PDE4B: variants seen among roughly 807,000 people sequenced by gnomAD.
The protein encoded by PDE4B is 3',5'-cyclic-AMP phosphodiesterase 4B.
PDE4B carries 20 observed loss-of-function variants against 82.2 expected under a neutral mutation model. The observed-to-expected ratio is 0.24, with a 90% CI of 0.17 to 0.35. The LOEUF is 0.35. Ranked by LOEUF, PDE4B falls within the 10% of genes least tolerant of loss-of-function variation. The pLI, the probability that PDE4B is intolerant of heterozygous loss-of-function variation, is 1.00. For synonymous variants in PDE4B, 320 were observed against 318.9 expected, an observed-to-expected ratio of 1.00 and a Z score of -0.04; for missense variants, 655 against 907.2, an observed-to-expected ratio of 0.72 and a Z score of 3.57.
intron 3 of PDE4B, among the ~76,000 whole-genome samples, chr1:66,227,010 G>A (rs747582264): frequency 1.1e-4 from 17 of 152,214 alleles, no homozygotes; most frequent in South Asian, 2.1e-4. Flanking sequence ...AATGCATCTC[G>A]TGAAGGAAAG....
intron 1 of PDE4B, among the ~76,000 whole-genome samples, chr1:65,845,511 A>C (rs912134672): frequency 6.6e-5 from 10 of 152,180 alleles, no homozygotes; most frequent in Admixed American, 6.6e-4. Flanking sequence ...TGTAGGGGTG[A>C]GATATGGTCT....
intron 3 of PDE4B, among the ~76,000 whole-genome samples, chr1:66,135,030 G>A (rs546152090): frequency 7.9e-5 from 12 of 152,302 alleles, no homozygotes; most frequent in African/African-American, 2.9e-4. Context: ...AGTCTTATAG[G>A]ATGAAGAATT....
In PDE4B at chr1:65,981,605, T is replaced by C. The variant is rs80109489; in HGVS notation, c.281+62770T>C. ...AAAGCCTAAGTTTTGAAGTCAGATGTTTTTGGGTTCCAATACTTACCAACT... is the reference window on the plus strand; with the variant it reads ...AAAGCCTAAGTTTTGAAGTCAGATGCTTTTGGGTTCCAATACTTACCAACT... On this transcript the variant is annotated intron_variant, in intron 3 of 16. Transcript: ENST00000341517. Among the ~76,000 whole-genome samples the C allele has an allele frequency of 8.9e-3, 1,348 of 152,168 alleles. 32 individuals are homozygous for C. Among genetic ancestry groups the C allele is most frequent in the East Asian group, 0.065 (334 of 5,174 alleles).
chr1:66,178,943 C>T (rs773491793), intron 3 of PDE4B, among the ~76,000 whole-genome samples: 68 of 152,178 alleles, frequency 4.5e-4, no homozygotes, highest in South Asian at 4.2e-4. Flanking sequence ...CCTCCACCTC[C>T]GGGTTCAAGC....
rs762690777 is a variant in PDE4B at position 65,918,662 on chromosome 1, G to A, written c.108G>A (p.Gly36=). 6.2e-7 allele frequency: 1 copy of A among 1,613,776 alleles called. No individual in the cohort carries two copies. Among genetic ancestry groups the A allele is most frequent in the Non-Finnish European group, 8.5e-7 (1 of 1,179,716 alleles). ...KSYSSSSNTL[G]IDLWRGRRCC... is the part of the protein sequence containing the mutation. ...ACAGTTCTTCCAGTAACACACTTGG[G>A]ATCGACCTCTGGAGAGGGAGAAGGT... is the stretch of plus-strand genomic sequence containing the variant. Residue 36 remains glycine, a synonymous_variant, in exon 3 of 17, where the codon GGG becomes GGA. Transcript: ENST00000341517.
chr1:65,936,065 TTTG>T (rs977674463), intron 3 of PDE4B, among the ~76,000 whole-genome samples: 3 of 152,192 alleles, frequency 2.0e-5, no homozygotes, highest in Admixed American at 2.0e-4. Context: ...TTTAAAGTTT[TTTG>T]TTAAAAACGA....
intron 3 of PDE4B, among the ~76,000 whole-genome samples, chr1:66,094,077 A>G (rs1645073087): frequency 1.3e-5 from 2 of 152,230 alleles, no homozygotes; most frequent in South Asian, 2.1e-4. Context: ...GCAAGAAATA[A>G]TATGAAGAGA....
At chr1:66,102,755 A>G (rs1049367281) in intron 3 of PDE4B, among the ~76,000 whole-genome samples, 2 of 152,044 alleles carry the variant, frequency 1.3e-5, no homozygotes, top group Non-Finnish European at 2.9e-5. Flanking sequence ...AAAGACTGAG[A>G]CTCACTTTCT....
At chr1:66,233,819 T>C (rs1048843383) in intron 3 of PDE4B, among the ~76,000 whole-genome samples, 4 of 152,198 alleles carry the variant, frequency 2.6e-5, no homozygotes, top group African/African-American at 9.7e-5. Flanking sequence ...GAGAACTACA[T>C]TGATTTTTTT....
At chr1:66,308,152 C>A (rs1658416171) in intron 7 of PDE4B, among the ~76,000 whole-genome samples, 1 of 151,980 alleles carries the variant, frequency 6.6e-6, no homozygotes, top group African/African-American at 2.4e-5. Flanking sequence ...CCTCCAGTAG[C>A]CAGGAAGGAA....
chr1:66,358,919 G>A (rs1405702720), intron 9 of PDE4B, among the ~76,000 whole-genome samples: 1 of 152,134 alleles, frequency 6.6e-6, no homozygotes, highest in African/African-American at 2.4e-5. Flanking sequence ...AAGTGGTGCA[G>A]GAGGACAGGG....
intron 3 of PDE4B, among the ~76,000 whole-genome samples, chr1:66,181,465 C>A (rs1255471761): frequency 6.6e-6 from 1 of 152,152 alleles, no homozygotes; most frequent in Non-Finnish European, 1.5e-5. Context: ...TAGAGGAATA[C>A]ATATCATATA....
intron 3 of PDE4B, among the ~76,000 whole-genome samples, chr1:66,054,485 T>C (rs746482633): frequency 2.6e-5 from 4 of 152,228 alleles, no homozygotes; most frequent in Non-Finnish European, 5.9e-5. Context: ...CTGTTCAACA[T>C]AGTGCCTATA....
At chr1:66,069,887 A>G (rs1228577176) in intron 3 of PDE4B, among the ~76,000 whole-genome samples, 2 of 152,024 alleles carry the variant, frequency 1.3e-5, no homozygotes, top group African/African-American at 4.8e-5. Context: ...TATGATTACA[A>G]AAAATAAGAT....
At chr1:66,190,170 T>C (rs1190483302) in intron 3 of PDE4B, among the ~76,000 whole-genome samples, 1 of 152,138 alleles carries the variant, frequency 6.6e-6, no homozygotes, top group Non-Finnish European at 1.5e-5. Flanking sequence ...ACAGCAAATG[T>C]TGCTGCCTGA....
chr1:65,980,273 C>T (rs17128170), intron 3 of PDE4B, among the ~76,000 whole-genome samples: 2,135 of 152,156 alleles, frequency 0.014, 66 homozygotes, highest in African/African-American at 0.049. Context: ...AATTTTTCCC[C>T]AGTAGAGCCA....
chr1:65,839,922 C>T (rs1482291447), intron 1 of PDE4B, among the ~76,000 whole-genome samples: 3 of 152,294 alleles, frequency 2.0e-5, no homozygotes, highest in South Asian at 2.1e-4. Flanking sequence ...TCCACATCCT[C>T]TCCAGCATCT....
rs547988034 is a variant in PDE4B at position 65,803,191 on chromosome 1, T to C, written c.-71+9943T>C. Among the ~76,000 whole-genome samples, 4 of 152,338 alleles carry C rather than the reference T, an allele frequency of 2.6e-5. No individual in the cohort carries two copies. In the South Asian group the frequency reaches 8.3e-4, roughly 32 times the overall value. ...TCTCCAATTGATGTAGGCACTCTAC[T>C]TAGAAGCTGTTTATCCACATCAAGG... On this transcript the variant is annotated intron_variant, in intron 1 of 16. Coordinates refer to ENST00000341517, the MANE Select transcript of PDE4B (RefSeq NM_002600.4).
chr1:66,215,598 A>G (rs1650387042), intron 3 of PDE4B, among the ~76,000 whole-genome samples: 3 of 152,088 alleles, frequency 2.0e-5, no homozygotes, highest in East Asian at 1.9e-4. Context: ...TCCTTTGGGG[A>G]TGGAAGAGCA....
Sources: gnomAD v4.1 joint callset for allele counts (sites outside exome capture counted in the v4.1 genomes callset) on GRCh38, gnomAD v4.1.1 for gene constraint, MANE v1.5 for transcripts, NCBI Gene and HGNC (gene_info 2026-07-23, HGNC 2026-07-21) for gene names.